The following CTNND1 variants were observed in gnomAD, a reference collection of about 807,000 sequenced individuals.
The protein encoded by CTNND1 is catenin delta 1, also known as catenin delta-1.
Under a neutral mutation model 112.1 loss-of-function variants are expected in CTNND1, and 16 were observed. The ratio of observed to expected loss-of-function variants is 0.14; its 90% CI spans 0.10 to 0.22. CTNND1 has a LOEUF of 0.22. CTNND1 is among the 10% of genes least tolerant of loss of function. The pLI is 1.00. For missense variants in CTNND1, 1,008 were observed against 1,257.0 expected (o/e 0.80, Z 3.00); for synonymous variants, 420 against 446.5 (o/e 0.94, Z 0.75).
In CTNND1 at chr11:57,806,996, C is replaced by T; in HGVS notation, c.1963+13C>T. ...AGTCCAGCTCGAGGTAAGTTATCTT[C>T]TCAGTCTCCAAAGGTCTCATAAACA... On this transcript the variant is annotated intron_variant, in intron 12 of 20. Coordinates refer to ENST00000399050, the MANE Select transcript of CTNND1 (RefSeq NM_001085458.2). The T allele has an allele frequency of 6.3e-7, 1 of 1,582,290 alleles. No individual in the cohort carries two copies. The highest frequency in any genetic ancestry group is 1.2e-5 in the South Asian group (1 of 86,802).
chr11:57,794,167 G>A, intron 4 of CTNND1, 86 bp downstream of exon 4: 1 of 1,193,886 alleles, frequency 8.4e-7, no homozygotes, highest in Non-Finnish European at 1.2e-6. Context: ...GTCTTGTAAG[G>A]TGCCTGGCAC....
intron 2 of CTNND1, among the ~76,000 whole-genome samples, chr11:57,790,389 T>C (rs1481993513): frequency 5.3e-5 from 8 of 150,146 alleles, no homozygotes; most frequent in East Asian, 3.9e-4. Context: ...TTCTTTCTTT[T>C]TTTTTTTTTT....
chr11:57,767,696 T>C (rs1026589371), intron 1 of CTNND1, among the ~76,000 whole-genome samples: 23 of 149,144 alleles, frequency 1.5e-4, no homozygotes, highest in African/African-American at 4.9e-4. Context: ...ATCTTATAGA[T>C]TGTTGTGACA....
chr11:57,811,632 G>A, intron 17 of CTNND1, 146 bp downstream of exon 17: 1 of 600,302 alleles, frequency 1.7e-6, no homozygotes, highest in Non-Finnish European at 2.9e-6. Context: ...TCCTAACGCA[G>A]AAATGGGTAG....
Position 57,794,083 on chromosome 11 carries a change from T to A in CTNND1, c.267+2T>A. 1 of 1,613,830 alleles carries A rather than the reference T, an allele frequency of 6.2e-7. No homozygotes were observed. The highest frequency in any genetic ancestry group is 8.5e-7 in the Non-Finnish European group (1 of 1,179,720). On this transcript the variant is annotated splice_donor_variant, in intron 4 of 20. Transcript: ENST00000399050. LOFTEE classifies it high-confidence loss of function. ...GATTTGAAACTCAACGGACCCCAGG[T>A]AATTCTTTGGCTCAAGACCTGGGTT... is the stretch of plus-strand genomic sequence containing the variant.
At position 57,804,774 on chromosome 11, in the gene CTNND1, C is replaced by G; in HGVS notation, c.1716C>G (p.Asp572Glu). The G allele has an allele frequency of 6.2e-7, 1 of 1,612,138 alleles. No individual in the cohort carries two copies. Among genetic ancestry groups the G allele is most frequent in the Non-Finnish European group, 8.5e-7 (1 of 1,178,436 alleles). Residue 572 changes from aspartate (D) to glutamate (E), a missense_variant, in exon 9 of 21, where the codon GAC becomes GAG. Coordinates refer to ENST00000399050, the MANE Select transcript of CTNND1 (RefSeq NM_001085458.2). Reference protein sequence around the residue: ...VQAEIGQKDSDSKLVENCVCL... With the variant: ...VQAEIGQKDSESKLVENCVCL... ...CTGAGATTGGGCAGAAGGATTCAGA[C>G]AGCAAGGTAAGTGCTGTCTTACCTT...
At chr11:57,815,191 G>T (rs1206549212) in intron 18 of CTNND1, among the ~76,000 whole-genome samples, 3 of 152,164 alleles carry the variant, frequency 2.0e-5, no homozygotes, top group Admixed American at 2.0e-4. Context: ...GCTTCCCAAA[G>T]TGCTGGGATT....
chr11:57,762,622 G>A (rs1485601147), intron 1 of CTNND1, among the ~76,000 whole-genome samples: 3 of 152,110 alleles, frequency 2.0e-5, no homozygotes, highest in African/African-American at 7.2e-5. Flanking sequence ...GGCCCGTATC[G>A]GTTTCAGCCC....
At position 57,816,463 on chromosome 11, in the gene CTNND1, A is replaced by C; in HGVS notation, c.*155A>C. On this transcript the variant is annotated 3_prime_UTR_variant, in exon 21 of 21. Coordinates refer to ENST00000399050, the MANE Select transcript of CTNND1 (RefSeq NM_001085458.2). Reference sequence around the variant, plus strand: ...CCTAAGTGGCTGCCTTCTTTCCATCAACTCCCAACTTCTTCCTGTGAAGTT... The same window carrying C: ...CCTAAGTGGCTGCCTTCTTTCCATCCACTCCCAACTTCTTCCTGTGAAGTT... 3.7e-6 allele frequency: 3 copies of C among 803,728 alleles called. No individual in the cohort carries two copies. 49.8% of individuals were successfully genotyped at this position (803,728 alleles called of 1,614,324 possible). A position where few individuals can be genotyped will look rare whatever the true frequency, so the allele number is the denominator to read the frequency against.
intron 1 of CTNND1, 64 bp downstream of exon 1, chr11:57,762,183 A>T (rs760111390): frequency 6.7e-5 from 52 of 780,700 alleles, no homozygotes; most frequent in Non-Finnish European, 8.1e-5. Context: ...TTAAGCAATT[A>T]TTTTTCTTTT....
rs761731843 is a variant in CTNND1 at position 57,796,940 on chromosome 11, T to G, written c.904T>G (p.Tyr302Asp). ...DDLDYGMMSD[Y>D]GTARRTGTPS... ...CCTGGATTATGGTATGATGTCTGAT[T>G]ATGGCACTGCCCGTCGGACTGGGAC... The change falls in exon 6 of 21, where the codon TAT becomes GAT. Residue 302 changes from tyrosine (Y) to aspartate (D), a missense_variant. By Grantham distance (160) the Tyr-to-Asp change is radical (BLOSUM62 -3). This residue lies in a region of CTNND1 where 404 missense variants were observed against 457.9 expected (regional missense o/e 0.88). Transcript: ENST00000399050. 9.7e-6 allele frequency: 15 copies of G among 1,553,490 alleles called. No homozygotes were observed. The highest frequency in any genetic ancestry group is 1.3e-5 in the Non-Finnish European group (15 of 1,143,002).
At chr11:57,795,178 A>G (rs548099538) in intron 4 of CTNND1, among the ~76,000 whole-genome samples, 1 of 152,322 alleles carries the variant, frequency 6.6e-6, no homozygotes, top group East Asian at 1.9e-4. Context: ...TGGGTGATAG[A>G]GTGAGACCCT....
At chr11:57,808,111 C>T in intron 12 of CTNND1, 54 bp from the exon 13 acceptor site, 1 of 1,557,838 alleles carries the variant, frequency 6.4e-7, no homozygotes, top group South Asian at 1.2e-5. Context: ...CCAGCTAGAG[C>T]CTGGTTTATT....
At chr11:57,770,521 C>T (rs1192945260) in intron 1 of CTNND1, among the ~76,000 whole-genome samples, 2 of 151,788 alleles carry the variant, frequency 1.3e-5, no homozygotes, top group Non-Finnish European at 2.9e-5. Flanking sequence ...GGCGTGGTGG[C>T]ACATGCCTGT....
rs1951178946 is a variant in CTNND1 at position 57,766,791 on chromosome 11, GTTA to G, written c.-214+4679_-214+4681del. ...TCCCTAATTCTACTTGGAATTGCATGTTATTATTAAATATTAAGCATTGAGAAT... is the reference window on the plus strand; with the variant it reads ...TCCCTAATTCTACTTGGAATTGCATGTTATTAAATATTAAGCATTGAGAAT... On this transcript the variant is annotated intron_variant, in intron 1 of 20. Transcript: ENST00000399050. Among the ~76,000 whole-genome samples, 4 of 152,194 alleles carry G rather than the reference GTTA, an allele frequency of 2.6e-5. No individual in the cohort carries two copies. The South Asian group carries it at 6.2e-4, about 24-fold the overall frequency.
chr11:57,783,946 A>T (rs1209614512), intron 1 of CTNND1, among the ~76,000 whole-genome samples: 2 of 151,856 alleles, frequency 1.3e-5, no homozygotes, highest in Non-Finnish European at 2.9e-5. Context: ...TATTTTTGAG[A>T]CAGGGTCTTA....
rs147896503 is a variant in CTNND1, at chr11:57,780,056, CTT to C, written c.-213-8967_-213-8966del. Among the ~76,000 whole-genome samples, 214 of 31,822 alleles carry C rather than the reference CTT, an allele frequency of 6.7e-3. 1 individual carries two copies. The Middle Eastern group carries it at 0.1, about 15-fold the overall frequency. 20.9% of individuals were successfully genotyped at this position (31,822 alleles called of 152,430 possible). A position where few individuals can be genotyped will look rare whatever the true frequency, so the allele number is the denominator to read the frequency against. On this transcript the variant is annotated intron_variant, in intron 1 of 20. Coordinates refer to ENST00000399050, the MANE Select transcript of CTNND1 (RefSeq NM_001085458.2). The stretch of plus-strand genomic sequence containing the variant: ...AACTTCTTAATTGGAACTAGAATGA[CTT>C]TTTTTTTTTTTTTGAGACAGGGTCT...
intron 1 of CTNND1, among the ~76,000 whole-genome samples, chr11:57,774,301 G>A (rs1953595901): frequency 6.6e-6 from 1 of 152,150 alleles, no homozygotes; most frequent in African/African-American, 2.4e-5. Flanking sequence ...TTGAAAATTT[G>A]GCATAGCTCT....
Position 57,811,387 on chromosome 11 carries a change from G to T in CTNND1, c.2551-12G>T, listed in dbSNP as rs1227774883. 5 of 1,604,796 alleles carry T rather than the reference G, an allele frequency of 3.1e-6. No homozygotes were observed. The highest frequency in any genetic ancestry group is 4.3e-6 in the Non-Finnish European group (5 of 1,172,720). ...TATTCTGTCACATTGTCGCATTTGTGTTTGCCTCTAGGTGAATCTAAACAA... is the reference window on the plus strand; with the variant it reads ...TATTCTGTCACATTGTCGCATTTGTTTTTGCCTCTAGGTGAATCTAAACAA... On this transcript the variant is annotated splice_polypyrimidine_tract_variant and intron_variant, in intron 16 of 20. Transcript: ENST00000399050.
Sources: allele counts gnomAD v4.1 joint callset (sites outside exome capture counted in the v4.1 genomes callset), GRCh38; gene constraint gnomAD v4.1.1; regional missense constraint gnomAD v4.1.1; transcripts MANE v1.5; gene names NCBI Gene and HGNC (gene_info 2026-07-23, HGNC 2026-07-21).